Variants in SI observed in about 807,000 individuals in gnomAD.
SI encodes the protein sucrase-isomaltase, also known as sucrase-isomaltase, intestinal.
A neutral mutation model predicts 253.3 loss-of-function variants in SI; 235 were observed. That is an observed-to-expected ratio of 0.93 (90% confidence interval 0.83 to 1.03). The LOEUF is 1.03. Ranked by LOEUF, SI falls within the 50% of genes least tolerant of loss-of-function variation. The probability of loss-of-function intolerance (pLI) is 0.00; values close to 1 mark genes in which losing one functional copy is unlikely to be tolerated. For synonymous variants in SI, 819 were observed against 712.0 expected, an observed-to-expected ratio of 1.15 and a Z score of -2.39; for missense variants, 2,442 against 2,211.1, an observed-to-expected ratio of 1.10 and a Z score of -2.09.
chr3:165,077,886 T>C (rs1465806156), intron 1 of SI, among the ~76,000 whole-genome samples: 1 of 151,568 alleles, frequency 6.6e-6, no homozygotes, highest in East Asian at 1.9e-4. Context: ...AAAAATATGA[T>C]CCCTGTAATT....
At chr3:165,046,096 G>T (rs951411557) in intron 16 of SI, among the ~76,000 whole-genome samples, 1 of 151,896 alleles carries the variant, frequency 6.6e-6, no homozygotes, top group East Asian at 1.9e-4. Context: ...TTCTCAAATT[G>T]CTGGGATTAC....
In SI at chr3:165,017,675, T is replaced by C. The variant is rs761276852; in HGVS notation, c.3634-2A>G. The C allele has an allele frequency of 5.0e-5, 80 of 1,612,284 alleles. No individual in the cohort carries two copies. Among genetic ancestry groups the C allele is most frequent in the Non-Finnish European group, 6.8e-5 (80 of 1,178,878 alleles). Reference sequence around the variant, plus strand: ...TGGCATGACTGGATGGCCAATTACCTTTAAAAAAAATTCATGTGTGAACTA... The same window carrying C: ...TGGCATGACTGGATGGCCAATTACCCTTAAAAAAAATTCATGTGTGAACTA... On this transcript the variant is annotated splice_acceptor_variant, in intron 30 of 47. Coordinates refer to ENST00000264382, the MANE Select transcript of SI (RefSeq NM_001041.4). LOFTEE classifies it high-confidence loss of function.
chr3:165,017,717 C>G, intron 30 of SI, 44 bp from the exon 31 acceptor site: 5 of 1,600,222 alleles, frequency 3.1e-6, no homozygotes, highest in Admixed American at 3.4e-5. Context: ...TTACTTTATG[C>G]TATAAAAATT....
At chr3:165,031,954 T>C (rs1238985371) in intron 24 of SI, among the ~76,000 whole-genome samples, 3 of 151,202 alleles carry the variant, frequency 2.0e-5, no homozygotes, top group Non-Finnish European at 4.5e-5. Flanking sequence ...CATCCAATTT[T>C]GTTATTTTTT....
upstream of SI, among the ~76,000 whole-genome samples, chr3:165,081,961 C>T (rs1715342936): frequency 1.3e-5 from 2 of 151,930 alleles, no homozygotes; most frequent in Non-Finnish European, 2.9e-5. Flanking sequence ...GAAAATAAGG[C>T]ATATACAAGT....
At position 165,055,253 on chromosome 3, in the gene SI, A is replaced by T. The variant is rs895537564; in HGVS notation, c.1453T>A (p.Trp485Arg). Reference protein sequence around the residue: ...PDFTNPNCIDWWANECSIFHQ... With the variant: ...PDFTNPNCIDRWANECSIFHQ... ...AAAATACTGCATTCATTTGCCCACC[A>T]ATCAATGCAGTTTGGGTTAGTGAAA... is the stretch of plus-strand genomic sequence containing the variant. The change falls in exon 13 of 48, where the codon TGG becomes AGG. Residue 485 changes from tryptophan to arginine, a missense_variant. By Grantham distance (101) the Trp-to-Arg change is moderately radical. Coordinates refer to ENST00000264382, the MANE Select transcript of SI (RefSeq NM_001041.4). The T allele has an allele frequency of 7.4e-6, 12 of 1,612,062 alleles. No individual in the cohort carries two copies. Among genetic ancestry groups the T allele is most frequent in the Non-Finnish European group, 1.0e-5 (12 of 1,178,680 alleles).
At chr3:165,027,183 A>T (rs1220089800) in intron 25 of SI, among the ~76,000 whole-genome samples, 2 of 151,500 alleles carry the variant, frequency 1.3e-5, no homozygotes, top group Non-Finnish European at 3.0e-5. Flanking sequence ...GCTACTATGA[A>T]CACCGTTACA....
At chr3:165,063,891 A>G (rs1714097004) in intron 7 of SI, among the ~76,000 whole-genome samples, 1 of 139,942 alleles carries the variant, frequency 7.1e-6, no homozygotes, top group African/African-American at 2.6e-5. Context: ...TAACATGATG[A>G]AACCCTGTTT....
chr3:165,055,369 C>A, intron 12 of SI, 62 bp from the exon 13 acceptor site: 4 of 923,280 alleles, frequency 4.3e-6, no homozygotes, highest in Non-Finnish European at 6.9e-6. Context: ...AATGGAATTT[C>A]AAATTAATAA....
At chr3:165,013,455 G>A (rs1386076084) in intron 33 of SI, among the ~76,000 whole-genome samples, 3 of 152,026 alleles carry the variant, frequency 2.0e-5, no homozygotes, top group Admixed American at 6.6e-5. Context: ...GCAAAGATCC[G>A]ATTGAATAAT....
In SI at chr3:165,043,774, A is replaced by T. The variant is rs201776099; in HGVS notation, c.1888-599T>A. Among the ~76,000 whole-genome samples the T allele has an allele frequency of 2.0e-4, 30 of 152,160 alleles. No homozygotes were observed. In the East Asian group the frequency reaches 5.6e-3, roughly 28 times the overall value. On this transcript the variant is annotated intron_variant, in intron 16 of 47. Coordinates refer to ENST00000264382, the MANE Select transcript of SI (RefSeq NM_001041.4). ...TGTAAGTATATATGTATCTATAAAC[A>T]ATATATAGCATTGTTTTGCATGTTT...
intron 25 of SI, among the ~76,000 whole-genome samples, chr3:165,029,500 AT>A (rs1385800171): frequency 1.3e-5 from 2 of 149,056 alleles, no homozygotes; most frequent in Non-Finnish European, 3.0e-5. Context: ...TAGCAGCACA[AT>A]TGCAATTGCA....
At position 165,036,453 on chromosome 3, in the gene SI, T is replaced by A; in HGVS notation, c.2451A>T (p.Ile817=). 6.2e-7 allele frequency: 1 copy of A among 1,611,250 alleles called. No homozygotes were observed. Among genetic ancestry groups the A allele is most frequent in the South Asian group, 1.1e-5 (1 of 91,054 alleles). Residue 817 remains isoleucine, a synonymous_variant, in exon 22 of 48, where the codon ATA becomes ATT. Transcript: ENST00000264382. ...TASRKNPLGL[I]VALGENNTAK... ...CTGTGTTGTTTTCACCTAATGCGAC[T>A]ATAAGTCCTAGAGGATTCTTACGGC...
chr3:165,068,594 C>G lies in SI; in HGVS notation c.483+128G>C, dbSNP rs9758479. 1.6e-5 allele frequency: 12 copies of G among 738,984 alleles called. No individual in the cohort carries two copies. In the South Asian group the frequency reaches 1.7e-4, roughly 10 times the overall value. The allele number at this position is 738,984 out of a possible 1,614,324, so 45.8% of individuals were successfully genotyped here. ...TTCACCCTGTTAGCCAGGATGGTCT[C>G]CATCTCCTGACCTTGTGATCCGCCC... On this transcript the variant is annotated intron_variant, in intron 5 of 47. Transcript: ENST00000264382.
intron 44 of SI, among the ~76,000 whole-genome samples, chr3:164,989,555 G>A (rs1717633428): frequency 1.3e-5 from 2 of 152,052 alleles, no homozygotes. Flanking sequence ...ACACTTAGTA[G>A]TTTGATGGAG....
At chr3:165,058,639 G>T (rs559761879) in intron 12 of SI, among the ~76,000 whole-genome samples, 1 of 151,832 alleles carries the variant, frequency 6.6e-6, no homozygotes, top group Non-Finnish European at 1.5e-5. Flanking sequence ...AGGCTACTAT[G>T]AGCAGCTATA....
chr3:165,053,257 A>T (rs1453469186), intron 13 of SI, among the ~76,000 whole-genome samples: 2 of 152,076 alleles, frequency 1.3e-5, no homozygotes, highest in African/African-American at 4.8e-5. Context: ...ATCATTTCCC[A>T]AAGTGATTTT....
At chr3:165,072,368 T>A (rs1376856993) in intron 3 of SI, among the ~76,000 whole-genome samples, 1 of 151,942 alleles carries the variant, frequency 6.6e-6, no homozygotes. Flanking sequence ...AAAGAATCTT[T>A]AGGGTATTTA....
chr3:165,054,431 G>A lies in SI; in HGVS notation c.1512+763C>T, dbSNP rs555437211. ...TTGTTGCCCAGGCTAGAATGCAGTG[G>A]CACCATCTTGGCTCACAGGCAACCT... is the stretch of plus-strand genomic sequence containing the variant. On this transcript the variant is annotated intron_variant, in intron 13 of 47. Transcript: ENST00000264382. Among the ~76,000 whole-genome samples the A allele has an allele frequency of 2.9e-4, 44 of 152,082 alleles. No homozygotes were observed. In the South Asian group the frequency reaches 8.7e-3, roughly 30 times the overall value.
Sources: allele counts gnomAD v4.1 joint callset (sites outside exome capture counted in the v4.1 genomes callset), GRCh38; gene constraint gnomAD v4.1.1; transcripts MANE v1.5; gene names NCBI Gene and HGNC (gene_info 2026-07-23, HGNC 2026-07-21).